The following GAS7 variants were observed in gnomAD, a reference collection of about 807,000 sequenced individuals.
GAS7 encodes growth arrest specific 7.
GAS7 carries 28 observed loss-of-function variants against 71.1 expected under a neutral mutation model. The ratio of observed to expected loss-of-function variants is 0.39; its 90% CI spans 0.29 to 0.54. The LOEUF (loss-of-function observed/expected upper bound fraction) is 0.54, where lower values mean the gene tolerates loss of function less well. Among genes scored for constraint, GAS7 ranks in the 20% least tolerant of loss-of-function variants. The pLI is 0.62. For synonymous variants in GAS7, 258 were observed against 245.8 expected (o/e 1.05, Z -0.46); for missense variants, 436 against 627.8 (o/e 0.69, Z 3.27).
intron 1 of GAS7, among the ~76,000 whole-genome samples, chr17:10,115,017 C>CTG (rs916225721): frequency 3.3e-5 from 5 of 152,294 alleles, no homozygotes; most frequent in East Asian, 3.9e-4. Flanking sequence ...CCAAGCTGTC[C>CTG]TCTGTCTGTC....
intron 11 of GAS7, among the ~76,000 whole-genome samples, chr17:9,923,150 G>C (rs565328942): frequency 6.6e-6 from 1 of 152,106 alleles, no homozygotes; most frequent in East Asian, 1.9e-4. Context: ...CTCGTGATCT[G>C]CCCGCCTGGG....
intron 1 of GAS7, among the ~76,000 whole-genome samples, chr17:10,122,555 A>G (rs1029327952): frequency 6.6e-6 from 1 of 152,140 alleles, no homozygotes; most frequent in Middle Eastern, 3.2e-3. Flanking sequence ...TCCCTGGCTG[A>G]CTGCTGGTTT....
In GAS7 at chr17:9,979,678, G is replaced by A. The variant is rs1439798920; in HGVS notation, c.385+2126C>T. ...CAGCCTCACCAACGGGGCAGGCTGC[G>A]AGTCACACGTGCTGTCTCTACACAT... On this transcript the variant is annotated intron_variant, in intron 3 of 13. Coordinates refer to ENST00000432992, the MANE Select transcript of GAS7 (RefSeq NM_201433.2). Among the ~76,000 whole-genome samples, 4 of 152,118 alleles carry A rather than the reference G, an allele frequency of 2.6e-5. No homozygotes were observed. In the East Asian group the frequency reaches 5.8e-4, roughly 22 times the overall value.
intron 1 of GAS7, among the ~76,000 whole-genome samples, chr17:10,142,012 A>T (rs7220581): frequency 0.75 from 113,927 of 151,748 alleles, 43,014 homozygotes; most frequent in Middle Eastern, 0.78. Flanking sequence ...GCGGATCACG[A>T]GGTCAGGAGA....
At chr17:10,046,830 AAGGAAGGAAGGAAG>A (rs2072973450) in intron 1 of GAS7, among the ~76,000 whole-genome samples, 1 of 125,784 alleles carries the variant, frequency 8.0e-6, no homozygotes, top group Non-Finnish European at 1.7e-5. Flanking sequence ...GGAAGGAAGG[AAGGAAGGAAGGAAG>A]GAAAGAAAAG....
rs545949974 is a variant in GAS7 at position 10,178,096 on chromosome 17, T to C, written c.183+20112A>G. 3.3e-5 allele frequency among the ~76,000 whole-genome samples: 5 copies of C among 152,270 alleles called. No homozygotes were observed. The South Asian group carries it at 1.0e-3, about 32-fold the overall frequency. ...TTCCTGGAGGGAGTGATCCAGAGCC[T>C]GAGTCACAGTCCCCTGGGAGTGTAT... On this transcript the variant is annotated intron_variant, in intron 1 of 13. Transcript: ENST00000432992.
intron 1 of GAS7, among the ~76,000 whole-genome samples, chr17:10,134,441 C>T (rs1465887506): frequency 2.6e-5 from 4 of 152,186 alleles, no homozygotes; most frequent in Admixed American, 2.0e-4. Flanking sequence ...GGATATATAC[C>T]CAGTAGTGGG....
intron 8 of GAS7, among the ~76,000 whole-genome samples, chr17:9,937,529 C>T (rs1030157232): frequency 1.6e-4 from 25 of 152,220 alleles, no homozygotes; most frequent in African/African-American, 6.0e-4. Flanking sequence ...ATGAACTAAC[C>T]TCATTTACAT....
chr17:10,075,786 C>T (rs938927225), intron 1 of GAS7, among the ~76,000 whole-genome samples: 44 of 138,942 alleles, frequency 3.2e-4, no homozygotes, highest in African/African-American at 1.1e-3. Flanking sequence ...CAGAGTGAGA[C>T]CTTATCTCAG....
At chr17:9,946,660 T>C (rs1402411667) in intron 6 of GAS7, among the ~76,000 whole-genome samples, 1 of 152,208 alleles carries the variant, frequency 6.6e-6, no homozygotes, top group African/African-American at 2.4e-5. Flanking sequence ...TACATTCTGG[T>C]TGAAGTGTCT....
At chr17:10,189,600 G>T (rs952597219) in intron 1 of GAS7, among the ~76,000 whole-genome samples, 1 of 151,342 alleles carries the variant, frequency 6.6e-6, no homozygotes, top group Non-Finnish European at 1.5e-5. Flanking sequence ...TCAGGGTTAT[G>T]TACATCTGCA....
intron 2 of GAS7, among the ~76,000 whole-genome samples, chr17:9,982,866 A>AAAGAAAGAAAGAAAGAAAGAAAGAAAGC (rs1173313108): frequency 1.4e-5 from 2 of 144,658 alleles, no homozygotes; most frequent in African/African-American, 5.3e-5. Context: ...AGAAAGAAAG[A>AAAGAAAGAAAGAAAGAAAGAAAGAAAGC]AAGCAAAGAA....
chr17:10,170,420 C>T (rs76213453), intron 1 of GAS7, among the ~76,000 whole-genome samples: 7,743 of 152,166 alleles, frequency 0.051, 329 homozygotes, highest in Admixed American at 0.14. Flanking sequence ...TGTTCCCTGA[C>T]CACTCCAGGA....
chr17:10,058,012 T>G (rs1377286825), intron 1 of GAS7, among the ~76,000 whole-genome samples: 1 of 152,316 alleles, frequency 6.6e-6, no homozygotes, highest in East Asian at 1.9e-4. Context: ...TTAAGGGCAG[T>G]GCAAGATGTG....
intron 1 of GAS7, among the ~76,000 whole-genome samples, chr17:10,158,736 T>A (rs981316771): frequency 1.3e-5 from 2 of 151,858 alleles, no homozygotes; most frequent in Non-Finnish European, 2.9e-5. Context: ...TTTTTCATAA[T>A]AAAATTCTGA....
At chr17:9,917,589 C>T (rs1278545170) in intron 13 of GAS7, among the ~76,000 whole-genome samples, 1 of 152,222 alleles carries the variant, frequency 6.6e-6, no homozygotes, top group Non-Finnish European at 1.5e-5. Flanking sequence ...CCAGGAGGGC[C>T]TTAAAACCTG....
chr17:9,962,309 G>C (rs1015544194), intron 4 of GAS7, among the ~76,000 whole-genome samples: 1 of 151,906 alleles, frequency 6.6e-6, no homozygotes, highest in Non-Finnish European at 1.5e-5. Flanking sequence ...AAAGGGCCCA[G>C]AAGGAATGAC....
rs925595562 is a variant in GAS7, at chr17:9,914,936, G to A, written c.*2292C>T. 1 of 232,498 alleles carries A rather than the reference G, an allele frequency of 4.3e-6. No homozygotes were observed. The highest frequency in any genetic ancestry group is 2.2e-5 in the African/African-American group (1 of 45,294). The allele number at this position is 232,498 out of a possible 1,614,324, so 14.4% of individuals were successfully genotyped here. ...CAATGCCAAGGTTGCTGACCGGTAA[G>A]ACCCCTGAAAACGAGCGATCACGGG... On this transcript the variant is annotated 3_prime_UTR_variant, in exon 14 of 14. Coordinates refer to ENST00000432992, the MANE Select transcript of GAS7 (RefSeq NM_201433.2).
intron 1 of GAS7, among the ~76,000 whole-genome samples, chr17:10,024,708 G>A (rs769259522): frequency 2.6e-5 from 4 of 152,130 alleles, no homozygotes; most frequent in Non-Finnish European, 4.4e-5. Flanking sequence ...TGTTCAGTAG[G>A]CAACCTGCTC....
Sources: gnomAD v4.1 joint callset for allele counts (sites outside exome capture counted in the v4.1 genomes callset) on GRCh38, gnomAD v4.1.1 for gene constraint, MANE v1.5 for transcripts, NCBI Gene and HGNC (gene_info 2026-07-23, HGNC 2026-07-21) for gene names.